The following SPMIP2 variants were observed in gnomAD, a reference collection of about 807,000 sequenced individuals.
The protein encoded by SPMIP2 is protein SPMIP2.
chr4:158,950,582 G>A, the SPMIP2 span, among the ~76,000 whole-genome samples: 1 of 152,182 alleles, frequency 6.6e-6, no homozygotes, highest in Non-Finnish European at 1.5e-5. Context: ...AATCGGCAAT[G>A]GAATTGAGTC....
At chr4:158,920,397 G>C in the SPMIP2 span, among the ~76,000 whole-genome samples, 421 of 152,306 alleles carry the variant, frequency 2.8e-3, 3 homozygotes, top group African/African-American at 9.6e-3. Context: ...TTCTTGTAGA[G>C]AGCCTATAAA....
the SPMIP2 span, among the ~76,000 whole-genome samples, chr4:159,034,142 A>G: frequency 6.6e-6 from 1 of 152,264 alleles, no homozygotes; most frequent in Admixed American, 6.5e-5. Flanking sequence ...GTCTCAAAAA[A>G]TAAATAATTT....
At chr4:159,081,711 G>C in the SPMIP2 span, among the ~76,000 whole-genome samples, 1 of 151,144 alleles carries the variant, frequency 6.6e-6, no homozygotes, top group Non-Finnish European at 1.5e-5. Flanking sequence ...GAGAGAGAGA[G>C]AAAAAAACAA....
chr4:159,068,223 A>C, the SPMIP2 span, among the ~76,000 whole-genome samples: 1 of 152,174 alleles, frequency 6.6e-6, no homozygotes, highest in Admixed American at 6.5e-5. Context: ...ATGTTTATTG[A>C]GGCACTATTC....
chr4:159,030,307 G>T, the SPMIP2 span, among the ~76,000 whole-genome samples: 2 of 151,984 alleles, frequency 1.3e-5, no homozygotes, highest in Non-Finnish European at 2.9e-5. Flanking sequence ...AGCCACTTGG[G>T]AGGCTGAGGT....
the SPMIP2 span, among the ~76,000 whole-genome samples, chr4:158,972,474 C>G: frequency 6.6e-6 from 1 of 152,190 alleles, no homozygotes; most frequent in African/African-American, 2.4e-5. Flanking sequence ...AGACAATGCA[C>G]AGGCCTGTCT....
the SPMIP2 span, among the ~76,000 whole-genome samples, chr4:158,982,816 A>G: frequency 6.6e-6 from 1 of 152,210 alleles, no homozygotes; most frequent in Non-Finnish European, 1.5e-5. Flanking sequence ...ACGGAGAATG[A>G]CTTTGACAAG....
At chr4:158,904,161 G>T in the SPMIP2 span, among the ~76,000 whole-genome samples, 1 of 152,126 alleles carries the variant, frequency 6.6e-6, no homozygotes, top group Non-Finnish European at 1.5e-5. Context: ...GTTATATAGG[G>T]AATACAGGAA....
the SPMIP2 span, among the ~76,000 whole-genome samples, chr4:158,918,749 T>A: frequency 3.9e-5 from 6 of 152,228 alleles, no homozygotes; most frequent in African/African-American, 1.2e-4. Context: ...TTACCCACAC[T>A]GTATTGAACT....
the SPMIP2 span, among the ~76,000 whole-genome samples, chr4:159,042,850 A>G: frequency 1.3e-5 from 2 of 152,018 alleles, no homozygotes; most frequent in African/African-American, 2.4e-5. Flanking sequence ...TTTAGTAGAG[A>G]CAGAGTTTTG....
At chr4:158,931,753 G>T in the SPMIP2 span, among the ~76,000 whole-genome samples, 2 of 145,922 alleles carry the variant, frequency 1.4e-5, no homozygotes, top group African/African-American at 5.1e-5. Context: ...AGTAGGGATG[G>T]GGTTTCACCA....
At chr4:158,915,295 T>C in the SPMIP2 span, 21 of 1,613,672 alleles carry the variant, frequency 1.3e-5, no homozygotes, top group African/African-American at 2.0e-4. Context: ...AAAGCACTCA[T>C]ATGCCAGGCA....
At chr4:158,941,764 AG>A in the SPMIP2 span, among the ~76,000 whole-genome samples, 1 of 152,228 alleles carries the variant, frequency 6.6e-6, no homozygotes, top group Non-Finnish European at 1.5e-5. Context: ...GGCTTTTTAA[AG>A]AAAGTAATAT....
the SPMIP2 span, among the ~76,000 whole-genome samples, chr4:159,066,113 A>G: frequency 6.6e-6 from 1 of 152,112 alleles, no homozygotes; most frequent in African/African-American, 2.4e-5. Flanking sequence ...TGTTTGGGCA[A>G]AATGTTGCAG....
At chr4:158,967,991 G>T in the SPMIP2 span, among the ~76,000 whole-genome samples, 4 of 152,222 alleles carry the variant, frequency 2.6e-5, no homozygotes, top group Non-Finnish European at 4.4e-5. Context: ...CTACTATCAA[G>T]CGATTTCTTA....
chr4:159,036,401 A>C, the SPMIP2 span, among the ~76,000 whole-genome samples: 1 of 152,194 alleles, frequency 6.6e-6, no homozygotes, highest in African/African-American at 2.4e-5. Context: ...TCTGAGGTCA[A>C]GCCTTTTCCA....
chr4:158,976,100 G>T, the SPMIP2 span, among the ~76,000 whole-genome samples: 3 of 149,904 alleles, frequency 2.0e-5, no homozygotes, highest in Admixed American at 2.0e-4. Context: ...GCTATTATTG[G>T]TTTATAGAAA....
At chr4:158,973,408 T>C in the SPMIP2 span, 1 of 697,890 alleles carries the variant, frequency 1.4e-6, no homozygotes, top group Admixed American at 2.9e-5. Context: ...AATAATTATA[T>C]GGTACTTACT....
the SPMIP2 span, among the ~76,000 whole-genome samples, chr4:158,964,728 G>C: frequency 2.6e-5 from 4 of 152,332 alleles, no homozygotes; most frequent in South Asian, 8.3e-4. Flanking sequence ...ATTTGTAAAG[G>C]AAAGAGGTTT....
Sources: allele counts gnomAD v4.1 joint callset (sites outside exome capture counted in the v4.1 genomes callset), GRCh38; gene constraint gnomAD v4.1.1; transcripts MANE v1.5; gene names NCBI Gene and HGNC (gene_info 2026-07-23, HGNC 2026-07-21).